LRIG3: variants seen among roughly 807,000 people sequenced by gnomAD.
LRIG3 encodes leucine-rich repeats and immunoglobulin-like domains protein 3.
A neutral mutation model predicts 114.5 loss-of-function variants in LRIG3; 76 were observed. The observed-to-expected ratio is 0.66, with a 90% CI of 0.55 to 0.80. The LOEUF is 0.80. Ranked by LOEUF, LRIG3 falls within the 30% of genes least tolerant of loss-of-function variation. LRIG3 has a pLI of 0.00. For synonymous variants in LRIG3, 512 were observed against 519.8 expected (o/e 0.98, Z 0.20); for missense variants, 1,239 against 1,382.8 (o/e 0.90, Z 1.65).
At chr12:58,910,367 T>C (rs1266669905) in intron 3 of LRIG3, among the ~76,000 whole-genome samples, 1 of 152,188 alleles carries the variant, frequency 6.6e-6, no homozygotes, top group Admixed American at 6.5e-5. Flanking sequence ...CCCAGCATTC[T>C]GGGAGGCTGA....
At chr12:58,911,307 C>T (rs966874339) in intron 3 of LRIG3, among the ~76,000 whole-genome samples, 2 of 152,142 alleles carry the variant, frequency 1.3e-5, no homozygotes, top group Admixed American at 6.5e-5. Flanking sequence ...GCTCCTATAG[C>T]TAAGAGAAGA....
chr12:58,897,853 C>A (rs1040757335), intron 3 of LRIG3, among the ~76,000 whole-genome samples: 1 of 152,110 alleles, frequency 6.6e-6, no homozygotes, highest in South Asian at 2.1e-4. Flanking sequence ...GGGGCAGAGG[C>A]CTTCCACCGT....
In LRIG3 at chr12:58,898,745, G is replaced by A. The variant is rs941216773; in HGVS notation, c.384-7949C>T. Reference sequence around the variant, plus strand: ...ACGATCTCGGCTCACTGCAACCTCCGACTCCCTGGTTCAAGCAATTCTCCA... The same window carrying A: ...ACGATCTCGGCTCACTGCAACCTCCAACTCCCTGGTTCAAGCAATTCTCCA... On this transcript the variant is annotated intron_variant, in intron 3 of 18. Transcript: ENST00000320743. 5.3e-5 allele frequency among the ~76,000 whole-genome samples: 8 copies of A among 151,836 alleles called. No homozygotes were observed. In the South Asian group the frequency reaches 6.2e-4, roughly 12 times the overall value.
intron 1 of LRIG3, 104 bp downstream of exon 1, chr12:58,919,896 A>G: frequency 4.2e-6 from 5 of 1,178,020 alleles, no homozygotes; most frequent in Non-Finnish European, 6.1e-6. Flanking sequence ...AAGGAGCTAT[A>G]CGGCAAAAAG....
intron 3 of LRIG3, among the ~76,000 whole-genome samples, chr12:58,895,999 T>G (rs1871629081): frequency 6.6e-6 from 1 of 152,152 alleles, no homozygotes; most frequent in African/African-American, 2.4e-5. Context: ...CCATTGCATT[T>G]GGTGCTTCTG....
chr12:58,878,971 C>G lies in LRIG3; in HGVS notation c.1936G>C (p.Ala646Pro), dbSNP rs1445272207. 6.2e-7 allele frequency: 1 copy of G among 1,614,200 alleles called. No homozygotes were observed. Among genetic ancestry groups the G allele is most frequent in the Non-Finnish European group, 8.5e-7 (1 of 1,180,028 alleles). Residue 646 changes from alanine to proline, a missense_variant, in exon 14 of 19, where the codon GCT (alanine) becomes CCT (proline). Ala to Pro is a conservative substitution (Grantham distance 27, BLOSUM62 -1). Transcript: ENST00000320743. Reference protein sequence around the residue: ...WQKDGGTDFPAARERRMHVMP... With the variant: ...WQKDGGTDFPPARERRMHVMP... ...ACATGCATGCGTCTCTCCCGTGCAG[C>G]TGGGAAGTCTGTGCCCCCATCCTTC...
chr12:58,906,507 T>C (rs1872071595), intron 3 of LRIG3, among the ~76,000 whole-genome samples: 1 of 152,238 alleles, frequency 6.6e-6, no homozygotes, highest in Admixed American at 6.5e-5. Context: ...AGCTGTTTTT[T>C]TCATGGTCTG....
At chr12:58,913,769 T>G (rs373262971) in intron 3 of LRIG3, 13 of 512,790 alleles carry the variant, frequency 2.5e-5, no homozygotes, top group East Asian at 1.6e-4. Flanking sequence ...AACAGCAAAG[T>G]GTAAAGTGTG....
At chr12:58,897,952 T>C (rs1375054652) in intron 3 of LRIG3, among the ~76,000 whole-genome samples, 1 of 152,184 alleles carries the variant, frequency 6.6e-6, no homozygotes, top group Admixed American at 6.5e-5. Context: ...CTCTGATTTA[T>C]CTTTGGTTCC....
chr12:58,881,002 GT>G, intron 12 of LRIG3, 101 bp from the exon 13 acceptor site: 1 of 1,124,746 alleles, frequency 8.9e-7, no homozygotes, highest in Non-Finnish European at 1.3e-6. Context: ...AGTGGCTTAG[GT>G]TTTACCCTTT....
intron 3 of LRIG3, among the ~76,000 whole-genome samples, chr12:58,893,811 T>A (rs1181709303): frequency 6.6e-6 from 1 of 152,106 alleles, no homozygotes; most frequent in African/African-American, 2.4e-5. Context: ...CCTCTCTCTA[T>A]CCCCTCCCCT....
chr12:58,911,905 T>C (rs1872291422), intron 3 of LRIG3, among the ~76,000 whole-genome samples: 1 of 152,230 alleles, frequency 6.6e-6, no homozygotes. Flanking sequence ...AAGTTTTTAC[T>C]CTCCACATTG....
rs1871299285 is a variant in LRIG3 at position 58,887,037 on chromosome 12, C to T, written c.1092-147G>A. 5.0e-6 allele frequency: 3 copies of T among 600,460 alleles called. No homozygotes were observed. The South Asian group carries it at 6.7e-5, about 13-fold the overall frequency. The allele number at this position is 600,460 out of a possible 1,614,324, so 37.2% of individuals were successfully genotyped here. On this transcript the variant is annotated intron_variant, in intron 8 of 18. Coordinates refer to ENST00000320743, the MANE Select transcript of LRIG3 (RefSeq NM_153377.5). ...CAAAATAATAGAAAACTCTTTTTCT[C>T]CAACTTACCTCTTACACCCTGCCTG...
intron 3 of LRIG3, among the ~76,000 whole-genome samples, chr12:58,896,275 T>C (rs561001051): frequency 6.6e-6 from 1 of 152,214 alleles, no homozygotes; most frequent in Non-Finnish European, 1.5e-5. Flanking sequence ...CTTAGTGTGA[T>C]GACTGGTTCT....
At chr12:58,876,759 A>T (rs1239522709) in intron 15 of LRIG3, among the ~76,000 whole-genome samples, 156 bp from the exon 16 acceptor site, 1 of 152,188 alleles carries the variant, frequency 6.6e-6, no homozygotes, top group Non-Finnish European at 1.5e-5. Flanking sequence ...AGTATTCTGG[A>T]ACGGCAAATT....
In LRIG3 at chr12:58,890,041, G is replaced by A. The variant is rs915896402; in HGVS notation, c.614C>T (p.Ser205Leu). 1.9e-6 allele frequency: 3 copies of A among 1,613,738 alleles called. No homozygotes were observed. Among genetic ancestry groups the A allele is most frequent in the African/African-American group, 1.3e-5 (1 of 74,904 alleles). Reference sequence around the variant, plus strand: ...TTTAAACATCTTGGGTGGGATAGCTGAGATTCGGTTCCTGTTCAGCTTTAA... The same window carrying A: ...TTTAAACATCTTGGGTGGGATAGCTAAGATTCGGTTCCTGTTCAGCTTTAA... Reference protein sequence around the residue: ...LVLKLNRNRISAIPPKMFKLP... With the variant: ...LVLKLNRNRILAIPPKMFKLP... Residue 205 changes from serine to leucine, a missense_variant, in exon 5 of 19, where the codon TCA becomes TTA. Transcript: ENST00000320743.
At chr12:58,919,308 A>G in intron 1 of LRIG3, 1 of 1,428,476 alleles carries the variant, frequency 7.0e-7, no homozygotes, top group Non-Finnish European at 9.5e-7. Context: ...TCTCCCCTAA[A>G]CCGTCTGGGC....
chr12:58,891,216 G>A (rs1289927225), intron 3 of LRIG3, among the ~76,000 whole-genome samples: 1 of 152,040 alleles, frequency 6.6e-6, no homozygotes, highest in African/African-American at 2.4e-5. Context: ...CTGGGCTCAA[G>A]GAATATTCCC....
At chr12:58,879,987 G>A (rs1240368600) in intron 13 of LRIG3, among the ~76,000 whole-genome samples, 1 of 152,110 alleles carries the variant, frequency 6.6e-6, no homozygotes, top group Non-Finnish European at 1.5e-5. Flanking sequence ...ATACTACACT[G>A]TAAACTCTCA....
Sources: gnomAD v4.1 joint callset for allele counts (sites outside exome capture counted in the v4.1 genomes callset) on GRCh38, gnomAD v4.1.1 for gene constraint, MANE v1.5 for transcripts, NCBI Gene and HGNC (gene_info 2026-07-23, HGNC 2026-07-21) for gene names.